Variants in CEP126 observed in about 807,000 individuals in gnomAD.
CEP126 encodes centrosomal protein 126.
A neutral mutation model predicts 107.8 loss-of-function variants in CEP126; 74 were observed. The observed-to-expected ratio is 0.69, with a 90% CI of 0.57 to 0.83. CEP126 has a LOEUF of 0.83. CEP126 is among the 40% of genes least tolerant of loss of function. CEP126 has a pLI of 0.00. For synonymous variants in CEP126, 449 were observed against 446.0 expected (o/e 1.01, Z -0.08); for missense variants, 1,237 against 1,281.9 (o/e 0.96, Z 0.53).
chr11:101,922,437 C>T (rs1190939767), intron 1 of CEP126, among the ~76,000 whole-genome samples: 1 of 152,218 alleles, frequency 6.6e-6, no homozygotes, highest in East Asian at 1.9e-4. Context: ...TGATGGATTA[C>T]AGGTGTGAGC....
At chr11:101,922,187 G>A (rs1277974304) in intron 1 of CEP126, among the ~76,000 whole-genome samples, 6 of 127,266 alleles carry the variant, frequency 4.7e-5, no homozygotes, top group African/African-American at 1.5e-4. Flanking sequence ...TTTTTGAGAT[G>A]GAGTCTTGCT....
intron 1 of CEP126, among the ~76,000 whole-genome samples, chr11:101,916,909 T>C (rs965268802): frequency 2.6e-5 from 4 of 152,098 alleles, no homozygotes; most frequent in African/African-American, 9.7e-5. Context: ...GAATGACATT[T>C]CCTATAAAGA....
intron 2 of CEP126, among the ~76,000 whole-genome samples, chr11:101,940,855 A>G (rs947140500): frequency 5.3e-5 from 8 of 152,194 alleles, no homozygotes; most frequent in Non-Finnish European, 8.8e-5. Flanking sequence ...GCAAAATTCT[A>G]GCATGGGAAG....
rs191129073 is a variant in CEP126 at position 101,950,092 on chromosome 11, A to G, written c.506+1950A>G. On this transcript the variant is annotated intron_variant, in intron 4 of 10. Transcript: ENST00000263468. ...GTCAAGTAGAGAAATGTGGTAATGAATCTGGAAGGGCAAAGAGAGAATATC... is the reference window on the plus strand; with the variant it reads ...GTCAAGTAGAGAAATGTGGTAATGAGTCTGGAAGGGCAAAGAGAGAATATC... Among the ~76,000 whole-genome samples the G allele has an allele frequency of 2.6e-5, 4 of 152,306 alleles. No homozygotes were observed. In the East Asian group the frequency reaches 7.7e-4, roughly 29 times the overall value.
At chr11:101,937,802 G>C (rs1056352124) in intron 2 of CEP126, among the ~76,000 whole-genome samples, 1 of 151,914 alleles carries the variant, frequency 6.6e-6, no homozygotes, top group Non-Finnish European at 1.5e-5. Context: ...AATGTGTAGA[G>C]GTTTTCATAT....
intron 2 of CEP126, among the ~76,000 whole-genome samples, chr11:101,942,264 A>T (rs1940675733): frequency 6.6e-6 from 1 of 152,064 alleles, no homozygotes; most frequent in South Asian, 2.1e-4. Flanking sequence ...TAGTCCCTGT[A>T]TTTGGATATT....
At chr11:101,923,978 A>AT (rs1940370326) in intron 2 of CEP126, among the ~76,000 whole-genome samples, 1 of 152,130 alleles carries the variant, frequency 6.6e-6, no homozygotes, top group South Asian at 2.1e-4. Context: ...AGGACTTCTT[A>AT]TTTTTTATTA....
intron 7 of CEP126, among the ~76,000 whole-genome samples, chr11:101,979,217 G>A (rs1941228055): frequency 6.6e-6 from 1 of 152,104 alleles, no homozygotes; most frequent in Non-Finnish European, 1.5e-5. Context: ...GAGCTTCCTG[G>A]AAGACATGGC....
At chr11:101,922,391 C>T (rs1418072151) in intron 1 of CEP126, among the ~76,000 whole-genome samples, 1 of 151,712 alleles carries the variant, frequency 6.6e-6, no homozygotes, top group Non-Finnish European at 1.5e-5. Context: ...TCTTGACCTA[C>T]TGACCTCGTG....
intron 2 of CEP126, among the ~76,000 whole-genome samples, chr11:101,943,419 CT>C (rs2137095453): frequency 6.6e-6 from 1 of 152,048 alleles, no homozygotes; most frequent in South Asian, 2.1e-4. Flanking sequence ...TAAAAGAGTT[CT>C]TACCAACCAT....
chr11:101,983,228 A>G (rs1941277275), intron 8 of CEP126, among the ~76,000 whole-genome samples: 1 of 152,372 alleles, frequency 6.6e-6, no homozygotes, highest in South Asian at 2.1e-4. Flanking sequence ...TCAATAGCCC[A>G]GAAAGTCAAA....
intron 6 of CEP126, among the ~76,000 whole-genome samples, chr11:101,971,012 G>A (rs183142757): frequency 8.5e-4 from 129 of 152,214 alleles, no homozygotes; most frequent in Non-Finnish European, 1.5e-3. Context: ...GTCTCACTCT[G>A]TCACCCGGGC....
intron 2 of CEP126, among the ~76,000 whole-genome samples, chr11:101,926,095 C>A (rs1175591106): frequency 6.6e-6 from 1 of 151,980 alleles, no homozygotes; most frequent in Non-Finnish European, 1.5e-5. Context: ...AAAGATAAAA[C>A]AATAAAAAAC....
intron 4 of CEP126, among the ~76,000 whole-genome samples, chr11:101,952,031 A>G (rs1940820613): frequency 6.6e-6 from 1 of 152,226 alleles, no homozygotes; most frequent in Non-Finnish European, 1.5e-5. Flanking sequence ...ATGGAAAAAT[A>G]TCACTGACAT....
Position 101,915,054 on chromosome 11 carries a change from G to A in CEP126, c.-231G>A, listed in dbSNP as rs1395261122. On this transcript the variant is annotated 5_prime_UTR_variant, in exon 1 of 11. Transcript: ENST00000263468. ...AGATGGCGGCTGCAGGGTTGCTGCCGCCCCATCTGCTATTGCCCGGCGAGG... is the reference window on the plus strand; with the variant it reads ...AGATGGCGGCTGCAGGGTTGCTGCCACCCCATCTGCTATTGCCCGGCGAGG... 2.0e-6 allele frequency: 1 copy of A among 504,584 alleles called. No individual in the cohort carries two copies. Among genetic ancestry groups the A allele is most frequent in the Non-Finnish European group, 3.4e-6 (1 of 292,294 alleles). The allele number at this position is 504,584 out of a possible 1,614,324, so 31.3% of individuals were successfully genotyped here. A position where few individuals can be genotyped will look rare whatever the true frequency, so the allele number is the denominator to read the frequency against.
intron 4 of CEP126, among the ~76,000 whole-genome samples, chr11:101,951,392 GC>G (rs1267242504): frequency 2.0e-5 from 3 of 152,046 alleles, no homozygotes; most frequent in African/African-American, 7.2e-5. Flanking sequence ...CACACCTGTA[GC>G]TCTAGCTACT....
At chr11:101,981,334 C>A (rs1333975263) in intron 7 of CEP126, among the ~76,000 whole-genome samples, 2 of 152,124 alleles carry the variant, frequency 1.3e-5, no homozygotes, top group Non-Finnish European at 2.9e-5. Flanking sequence ...CGCTCTGTCA[C>A]CCAGGCTGGA....
rs1555055836 is a variant in CEP126, at chr11:101,962,289, CA to C, written c.1257del (p.Lys419AsnfsTer9). 6.2e-7 allele frequency: 1 copy of C among 1,613,358 alleles called. No homozygotes were observed. The highest frequency in any genetic ancestry group is 8.5e-7 in the Non-Finnish European group (1 of 1,179,756). The stretch of plus-strand genomic sequence containing the variant: ...CTGAGAGCCCAACATTTAAATTTAG[CA>C]AATCCCAAAGCACTTCAGATTCTCT... ...VTESPTFKFS[K>X]SQSTSDSLTQ... On this transcript the variant is annotated frameshift_variant, in exon 6 of 11. Transcript: ENST00000263468. LOFTEE classifies it high-confidence loss of function.
rs1290469050 is a variant in CEP126 at position 101,962,952 on chromosome 11, AGAAAACAATGCT to A, written c.1925_1936del (p.Asn642_Asn645del). The A allele has an allele frequency of 4.3e-6, 7 of 1,610,708 alleles. No individual in the cohort carries two copies. The Middle Eastern group carries it at 5.0e-4, about 114-fold the overall frequency. The stretch of plus-strand genomic sequence containing the variant: ...GGTGGTTTGATGAAACTAGCAATAT[AGAAAACAATGCT>A]GAAAACAGTCATTCACTGAAGAATA... On this transcript the variant is annotated inframe_deletion, in exon 6 of 11. Coordinates refer to ENST00000263468, the MANE Select transcript of CEP126 (RefSeq NM_020802.4).
Sources: gnomAD v4.1 joint callset for allele counts (sites outside exome capture counted in the v4.1 genomes callset) on GRCh38, gnomAD v4.1.1 for gene constraint, MANE v1.5 for transcripts, NCBI Gene and HGNC (gene_info 2026-07-23, HGNC 2026-07-21) for gene names.